The following KCNN2 variants were observed in gnomAD, a reference collection of about 807,000 sequenced individuals.
KCNN2 encodes the protein small conductance calcium-activated potassium channel protein 2.
KCNN2 carries 24 observed loss-of-function variants against 55.5 expected under a neutral mutation model. The observed-to-expected ratio is 0.43, with a 90% CI of 0.31 to 0.61. The LOEUF is 0.61. Ranked by LOEUF, KCNN2 falls within the 20% of genes least tolerant of loss-of-function variation. The pLI is 0.08. For missense variants in KCNN2, 754 were observed against 853.6 expected, an observed-to-expected ratio of 0.88 and a Z score of 1.45; for synonymous variants, 431 against 336.1, an observed-to-expected ratio of 1.28 and a Z score of -3.09.
At chr5:114,388,266 G>A (rs916994258) in intron 2 of KCNN2, among the ~76,000 whole-genome samples, 3 of 152,150 alleles carry the variant, frequency 2.0e-5, no homozygotes, top group Non-Finnish European at 4.4e-5. Context: ...TATTTTGGGT[G>A]ATGTGAAATA....
intron 6 of KCNN2, among the ~76,000 whole-genome samples, chr5:114,492,893 T>TG (rs2150142638): frequency 6.6e-6 from 1 of 152,186 alleles, no homozygotes; most frequent in Admixed American, 6.5e-5. Context: ...AAAGTTTTTT[T>TG]TTTTGTTAAT....
chr5:114,272,729 G>A (rs1755381517), intron 2 of KCNN2, among the ~76,000 whole-genome samples: 2 of 151,936 alleles, frequency 1.3e-5, no homozygotes, highest in Admixed American at 1.3e-4. Flanking sequence ...GTTAATGTTG[G>A]CTTTTTTGCC....
chr5:114,210,202 A>G (rs1477553250), intron 1 of KCNN2, among the ~76,000 whole-genome samples: 1 of 152,216 alleles, frequency 6.6e-6, no homozygotes, highest in East Asian at 1.9e-4. Flanking sequence ...GATATGCCTT[A>G]TGGAGAAAAT....
chr5:114,229,437 A>G (rs1418189457), intron 2 of KCNN2, among the ~76,000 whole-genome samples: 3 of 151,720 alleles, frequency 2.0e-5, no homozygotes, highest in African/African-American at 7.3e-5. Flanking sequence ...CTTTATATTA[A>G]CTATCTTGCA....
At chr5:114,363,409 G>T (rs1194024905) in intron 1 of KCNN2, 148 bp downstream of exon 1, 1 of 1,025,728 alleles carries the variant, frequency 9.7e-7, no homozygotes, top group Non-Finnish European at 1.4e-6. Context: ...TCTAGGACGC[G>T]CATCCGTAGT....
intron 1 of KCNN2, 65 bp from the exon 2 acceptor site, chr5:114,363,841 G>T: frequency 8.7e-7 from 1 of 1,143,770 alleles, no homozygotes; most frequent in South Asian, 1.3e-5. Context: ...GACTGACTCT[G>T]GGGACGTGGA....
intron 1 of KCNN2, among the ~76,000 whole-genome samples, chr5:114,112,334 G>T (rs1170936930): frequency 6.6e-6 from 1 of 152,106 alleles, no homozygotes; most frequent in Non-Finnish European, 1.5e-5. Context: ...GTTTGGAGGT[G>T]GGGGGCTGGG....
At chr5:114,471,003 A>T (rs1036513410) in intron 4 of KCNN2, among the ~76,000 whole-genome samples, 1 of 152,216 alleles carries the variant, frequency 6.6e-6, no homozygotes, top group African/African-American at 2.4e-5. Flanking sequence ...TATACCAGTT[A>T]CACAATAGGG....
chr5:114,191,748 G>T (rs2112563469), intron 1 of KCNN2, among the ~76,000 whole-genome samples: 1 of 152,210 alleles, frequency 6.6e-6, no homozygotes, highest in East Asian at 1.9e-4. Context: ...TGTGAATTTA[G>T]TGGGGATAAT....
At chr5:114,131,967 A>G (rs1371453400) in intron 1 of KCNN2, among the ~76,000 whole-genome samples, 1 of 152,066 alleles carries the variant, frequency 6.6e-6, no homozygotes, top group Non-Finnish European at 1.5e-5. Context: ...CCACTTTTTA[A>G]TGGGGTTGTT....
At chr5:114,485,939 TAA>T (rs1762419208) in intron 5 of KCNN2, among the ~76,000 whole-genome samples, 1 of 152,184 alleles carries the variant, frequency 6.6e-6, no homozygotes, top group Non-Finnish European at 1.5e-5. Context: ...ATCCTTATTG[TAA>T]ATCTAATGAT....
At chr5:114,213,784 G>C (rs1034786999) in intron 1 of KCNN2, among the ~76,000 whole-genome samples, 1 of 151,914 alleles carries the variant, frequency 6.6e-6, no homozygotes, top group African/African-American at 2.4e-5. Flanking sequence ...CCTGTTATAG[G>C]GAGAAGAAAG....
intron 6 of KCNN2, chr5:114,493,196 C>T: frequency 3.1e-6 from 2 of 650,526 alleles, no homozygotes. Flanking sequence ...TCATCTCTTG[C>T]TCTCACTCTC....
chr5:114,449,908 A>ACACACACACACGCGCGCG (rs1309590184), intron 3 of KCNN2, among the ~76,000 whole-genome samples: 14 of 66,184 alleles, frequency 2.1e-4, no homozygotes, highest in East Asian at 6.1e-3. Flanking sequence ...ACACACACAC[A>ACACACACACACGCGCGCG]CGCGCGCGCT....
At position 114,312,434 on chromosome 5, in the gene KCNN2, C is replaced by CATAT. The variant is rs59964515; in HGVS notation, c.-184-48472_-184-48469dup. On this transcript the variant is annotated intron_variant, in intron 2 of 10. Coordinates refer to the KCNN2 transcript ENST00000512097. The stretch of plus-strand genomic sequence containing the variant: ...ACACACACACACACACACACACACA[C>CATAT]ATATATATATATATATATATATATA... 2.7e-3 allele frequency among the ~76,000 whole-genome samples: 64 copies of CATAT among 23,358 alleles called. 1 individual carries two copies. Among genetic ancestry groups the CATAT allele is most frequent in the Non-Finnish European group, 3.2e-3 (39 of 12,016 alleles). 15.3% of individuals were successfully genotyped at this position (23,358 alleles called of 152,430 possible).
At chr5:114,376,308 C>A (rs1757943597) in intron 2 of KCNN2, among the ~76,000 whole-genome samples, 1 of 152,158 alleles carries the variant, frequency 6.6e-6, no homozygotes, top group Admixed American at 6.5e-5. Context: ...AACATCCTTC[C>A]TGCACAGAGA....
chr5:114,314,695 C>T (rs567686222), intron 2 of KCNN2, among the ~76,000 whole-genome samples: 5 of 152,158 alleles, frequency 3.3e-5, no homozygotes, highest in Admixed American at 6.6e-5. Context: ...AGTTATTGTA[C>T]AGGCAGCCAA....
intron 1 of KCNN2, among the ~76,000 whole-genome samples, chr5:114,096,911 C>T (rs1269949176): frequency 6.6e-6 from 1 of 152,146 alleles, no homozygotes; most frequent in African/African-American, 2.4e-5. Flanking sequence ...TTAATCTTTC[C>T]ATTACTCCAG....
chr5:114,140,416 G>T (rs1452548449), intron 1 of KCNN2, among the ~76,000 whole-genome samples: 1 of 152,058 alleles, frequency 6.6e-6, no homozygotes, highest in Non-Finnish European at 1.5e-5. Context: ...TACCTTAGAA[G>T]GATACTTTGA....
Sources: allele counts gnomAD v4.1 joint callset (sites outside exome capture counted in the v4.1 genomes callset), GRCh38; gene constraint gnomAD v4.1.1; transcripts MANE v1.5; gene names NCBI Gene and HGNC (gene_info 2026-07-23, HGNC 2026-07-21).